BTNL8: variants seen among roughly 807,000 people sequenced by gnomAD.
The protein encoded by BTNL8 is butyrophilin-like protein 8.
Under a neutral mutation model 36.1 loss-of-function variants are expected in BTNL8, and 22 were observed. That is an observed-to-expected ratio of 0.61 (90% CI 0.44 to 0.87). BTNL8 has a LOEUF of 0.87. Ranked by LOEUF, BTNL8 falls within the 40% of genes least tolerant of loss-of-function variation. The pLI is 0.00. For synonymous variants in BTNL8, 203 were observed against 235.6 expected, an observed-to-expected ratio of 0.86 and a Z score of 1.27; for missense variants, 526 against 616.9, an observed-to-expected ratio of 0.85 and a Z score of 1.56.
At position 180,911,407 on chromosome 5, in the gene BTNL8, TCCTCGGGCTGGTTC is replaced by T; in HGVS notation, c.469_482del (p.Ser157ProfsTer29). 1 of 1,614,176 alleles carries T rather than the reference TCCTCGGGCTGGTTC, an allele frequency of 6.2e-7. No homozygotes were observed. The highest frequency in any genetic ancestry group is 1.3e-5 in the African/African-American group (1 of 75,040). On this transcript the variant is annotated frameshift_variant, in exon 3 of 8. Coordinates refer to ENST00000340184, the MANE Select transcript of BTNL8 (RefSeq NM_001040462.3). LOFTEE classifies it high-confidence loss of function. ...TAGAGACATCCAGCTACTCTGTCAG[TCCTCGGGCTGGTTC>T]CCCCGGCCCACAGCGAAGTGGAAAG... is the stretch of plus-strand genomic sequence containing the variant.
intron 3 of BTNL8, among the ~76,000 whole-genome samples, chr5:180,942,845 A>G (rs1225043752): frequency 2.0e-5 from 3 of 152,166 alleles, no homozygotes; most frequent in East Asian, 1.9e-4. Flanking sequence ...AGAAGAAAAC[A>G]TAGGAAAAAT....
intron 1 of BTNL8, among the ~76,000 whole-genome samples, chr5:180,905,755 T>G (rs541949028): frequency 6.8e-6 from 1 of 147,316 alleles, no homozygotes; most frequent in South Asian, 2.2e-4. Flanking sequence ...TCAAAGAACA[T>G]CTTTATTTCT....
rs1281454934 is a variant in BTNL8, at chr5:180,941,914, T to TTTTTTTTTTTTTTTTTTTTTTTTTG, written c.674-5598_674-5597insTTTTTTTTTTTTTTTTTTTTTTTTG. Among the ~76,000 whole-genome samples, 375 of 150,754 alleles carry TTTTTTTTTTTTTTTTTTTTTTTTTG rather than the reference T, an allele frequency of 2.5e-3. 3 individuals are homozygous for TTTTTTTTTTTTTTTTTTTTTTTTTG. Among genetic ancestry groups the TTTTTTTTTTTTTTTTTTTTTTTTTG allele is most frequent in the Non-Finnish European group, 3.3e-3 (225 of 67,722 alleles). ...CAAGGATGCCCACTTTTACTACTCT[T>TTTTTTTTTTTTTTTTTTTTTTTTTG]ATTCAACAAAGTACTGGAAGTCCTA... On this transcript the variant is annotated intron_variant, in intron 3 of 7. Transcript: ENST00000340184.
At chr5:180,907,773 C>G (rs950571072) in intron 1 of BTNL8, among the ~76,000 whole-genome samples, 1 of 151,924 alleles carries the variant, frequency 6.6e-6, no homozygotes, top group Non-Finnish European at 1.5e-5. Flanking sequence ...TTGGAGTACC[C>G]TGCCGTGTGA....
At position 180,940,922 on chromosome 5, in the gene BTNL8, CA is replaced by C. The variant is rs1758898231; in HGVS notation, c.674-6588del. ...TGTCTCTACAAAAAAACAACAATAA[CA>C]ACAAAAAAAACCCATAAAAATTAGC... On this transcript the variant is annotated intron_variant, in intron 3 of 7. Transcript: ENST00000340184. 2.6e-5 allele frequency among the ~76,000 whole-genome samples: 4 copies of C among 151,928 alleles called. No homozygotes were observed. The South Asian group carries it at 8.3e-4, about 32-fold the overall frequency.
At chr5:180,907,758 G>C (rs900189943) in intron 1 of BTNL8, among the ~76,000 whole-genome samples, 6 of 152,006 alleles carry the variant, frequency 3.9e-5, no homozygotes, top group Non-Finnish European at 7.4e-5. Context: ...TCAGCTGCAG[G>C]TCTGTTGGAG....
intron 3 of BTNL8, among the ~76,000 whole-genome samples, chr5:180,917,551 G>C (rs1757690725): frequency 6.6e-6 from 1 of 152,116 alleles, no homozygotes. Context: ...GGATAACCTA[G>C]CAGAAATGGA....
At chr5:180,941,914 T>TTTTTTTTTTTTTGAGACGG (rs1281454934) in intron 3 of BTNL8, among the ~76,000 whole-genome samples, 1 of 150,872 alleles carries the variant, frequency 6.6e-6, no homozygotes, top group African/African-American at 2.5e-5. Flanking sequence ...TTACTACTCT[T>TTTTTTTTTTTTTGAGACGG]ATTCAACAAA....
At chr5:180,949,467 C>T (rs1231283255) in intron 7 of BTNL8, 1 of 857,738 alleles carries the variant, frequency 1.2e-6, no homozygotes, top group Non-Finnish European at 1.7e-6. Flanking sequence ...GGGGAGAAGA[C>T]AGGGGCTGGG....
chr5:180,901,056 G>C (rs917167791), intron 1 of BTNL8, among the ~76,000 whole-genome samples: 2 of 152,218 alleles, frequency 1.3e-5, no homozygotes, highest in African/African-American at 4.8e-5. Context: ...GGGACTCAGG[G>C]TTGGGTGGTG....
chr5:180,926,798 C>G (rs1758123288), intron 3 of BTNL8, among the ~76,000 whole-genome samples: 1 of 152,228 alleles, frequency 6.6e-6, no homozygotes, highest in Non-Finnish European at 1.5e-5. Flanking sequence ...CAGGGCATCT[C>G]TGAAAGAAAG....
chr5:180,912,099 A>G (rs1437695649), intron 3 of BTNL8, among the ~76,000 whole-genome samples: 2 of 152,196 alleles, frequency 1.3e-5, no homozygotes, highest in Non-Finnish European at 2.9e-5. Context: ...GTAGCCTTTT[A>G]ACTGGGACAC....
chr5:180,902,516 G>T lies in BTNL8; in HGVS notation c.49+3157G>T, dbSNP rs932682220. 33 of 1,059,954 alleles carry T rather than the reference G, an allele frequency of 3.1e-5. No homozygotes were observed. The Admixed American group carries it at 8.7e-4, about 28-fold the overall frequency. The allele number at this position is 1,059,954 out of a possible 1,614,324, so 65.7% of individuals were successfully genotyped here. A position where few individuals can be genotyped will look rare whatever the true frequency, so the allele number is the denominator to read the frequency against. On this transcript the variant is annotated intron_variant, in intron 1 of 7. Transcript: ENST00000340184. ...GCCCTGAGTAGGTCACACTATAAAGGGTTTTTTTTTTTGTTTTTGCTTTTA... is the reference window on the plus strand; with the variant it reads ...GCCCTGAGTAGGTCACACTATAAAGTGTTTTTTTTTTTGTTTTTGCTTTTA...
Position 180,916,958 on chromosome 5 carries a change from G to A in BTNL8, c.673+5344G>A, listed in dbSNP as rs573656888. Among the ~76,000 whole-genome samples the A allele has an allele frequency of 9.9e-5, 15 of 152,232 alleles. No individual in the cohort carries two copies. In the South Asian group the frequency reaches 2.3e-3, roughly 23 times the overall value. ...GAAACCAAAGACAAGGTTAGACTACGGCACTATGAAAAATCATAGGCCAAC... is the reference window on the plus strand; with the variant it reads ...GAAACCAAAGACAAGGTTAGACTACAGCACTATGAAAAATCATAGGCCAAC... On this transcript the variant is annotated intron_variant, in intron 3 of 7. Transcript: ENST00000340184.
At chr5:180,902,231 G>T in intron 1 of BTNL8, 1 of 866,032 alleles carries the variant, frequency 1.2e-6, no homozygotes. Context: ...GAGAGAATGT[G>T]GCAATAGAAC....
chr5:180,906,292 C>A (rs541814275), intron 1 of BTNL8, among the ~76,000 whole-genome samples: 1,855 of 143,646 alleles, frequency 0.013, 24 homozygotes, highest in Middle Eastern at 0.049. Flanking sequence ...TTCTTTGTCT[C>A]TTTTGATCTT....
At chr5:180,903,974 G>A (rs1647829150) in intron 1 of BTNL8, among the ~76,000 whole-genome samples, 1 of 123,720 alleles carries the variant, frequency 8.1e-6, no homozygotes, top group East Asian at 2.3e-4. Flanking sequence ...CTCCAGCTTT[G>A]TTCTTTTGGC....
chr5:180,906,225 A>G (rs1201393080), intron 1 of BTNL8, among the ~76,000 whole-genome samples: 2 of 149,318 alleles, frequency 1.3e-5, no homozygotes, highest in African/African-American at 5.1e-5. Context: ...GTGCATATAT[A>G]TTTAGGAGAG....
chr5:180,908,091 C>G (rs561689179), intron 1 of BTNL8, among the ~76,000 whole-genome samples: 7 of 152,230 alleles, frequency 4.6e-5, no homozygotes, highest in African/African-American at 1.7e-4. Flanking sequence ...TGGGCAATGG[C>G]GGGCGCCCCT....
Sources: allele counts gnomAD v4.1 joint callset (sites outside exome capture counted in the v4.1 genomes callset), GRCh38; gene constraint gnomAD v4.1.1; transcripts MANE v1.5; gene names NCBI Gene and HGNC (gene_info 2026-07-23, HGNC 2026-07-21).